Variants in RBMS3 observed in about 807,000 individuals in gnomAD.
RBMS3 encodes the protein RNA binding motif single stranded interacting protein 3.
In RBMS3, 27 loss-of-function variants were observed where a neutral mutation model predicts 66.8. The observed-to-expected ratio is 0.40, with a 90% CI of 0.30 to 0.56. RBMS3 has a LOEUF of 0.56. Ranked by LOEUF, RBMS3 falls within the 20% of genes least tolerant of loss-of-function variation. RBMS3 has a pLI of 0.40. For synonymous variants in RBMS3, 188 were observed against 183.0 expected, an observed-to-expected ratio of 1.03 and a Z score of -0.22; for missense variants, 513 against 549.5, an observed-to-expected ratio of 0.93 and a Z score of 0.66.
chr3:29,331,143 C>G (rs1040117289), intron 1 of RBMS3, among the ~76,000 whole-genome samples: 3 of 152,122 alleles, frequency 2.0e-5, no homozygotes, highest in African/African-American at 7.2e-5. Context: ...CCATTTTCAA[C>G]CAGTCTGTGC....
At chr3:29,619,567 G>GCT (rs1413662762) in intron 4 of RBMS3, among the ~76,000 whole-genome samples, 1 of 152,172 alleles carries the variant, frequency 6.6e-6, no homozygotes, top group African/African-American at 2.4e-5. Context: ...GAAGCAATAT[G>GCT]CTCTCTGCTG....
At chr3:29,588,820 C>T (rs373436902) in intron 4 of RBMS3, among the ~76,000 whole-genome samples, 8 of 151,892 alleles carry the variant, frequency 5.3e-5, no homozygotes, top group African/African-American at 1.9e-4. Flanking sequence ...ACTTCCTATA[C>T]CCACAAAACA....
intron 12 of RBMS3, among the ~76,000 whole-genome samples, chr3:29,974,697 C>A (rs1697442114): frequency 6.6e-6 from 1 of 150,774 alleles, no homozygotes; most frequent in African/African-American, 2.4e-5. Flanking sequence ...CAGTGTAAAA[C>A]CTTTTATGTC....
chr3:29,788,630 C>T (rs570430697), intron 6 of RBMS3, among the ~76,000 whole-genome samples: 16 of 152,236 alleles, frequency 1.1e-4, no homozygotes, highest in Admixed American at 9.8e-4. Flanking sequence ...AATGTTCAAA[C>T]GTTTCCTTAC....
At chr3:29,997,908 G>T (rs1480459235) in intron 14 of RBMS3, among the ~76,000 whole-genome samples, 1 of 152,196 alleles carries the variant, frequency 6.6e-6, no homozygotes, top group South Asian at 2.1e-4. Context: ...TGTGTTGGAA[G>T]TTCTGGCCAG....
intron 1 of RBMS3, among the ~76,000 whole-genome samples, chr3:29,368,625 G>C (rs1256742356): frequency 6.6e-6 from 1 of 151,610 alleles, no homozygotes; most frequent in African/African-American, 2.4e-5. Flanking sequence ...GATTTTTTTA[G>C]ATTTTTTGAG....
chr3:29,382,012 T>C (rs2038784434), intron 1 of RBMS3, among the ~76,000 whole-genome samples: 1 of 152,196 alleles, frequency 6.6e-6, no homozygotes, highest in Admixed American at 6.5e-5. Flanking sequence ...AGGAAACTTC[T>C]GATGAAAAAT....
intron 9 of RBMS3, among the ~76,000 whole-genome samples, chr3:29,898,731 A>ATGTGTGTGTGTG (rs1265286069): frequency 2.7e-4 from 30 of 112,302 alleles, no homozygotes; most frequent in African/African-American, 1.3e-3. Flanking sequence ...CCTGGTTGTA[A>ATGTGTGTGTGTG]TGTGCGTGTG....
chr3:29,585,020 T>C (rs1420342827), intron 3 of RBMS3, among the ~76,000 whole-genome samples: 1 of 152,200 alleles, frequency 6.6e-6, no homozygotes, highest in African/African-American at 2.4e-5. Context: ...TTTGTAATTA[T>C]ATATTCATTT....
At chr3:29,737,266 C>A (rs966267204) in intron 4 of RBMS3, among the ~76,000 whole-genome samples, 1 of 152,298 alleles carries the variant, frequency 6.6e-6, no homozygotes, top group Admixed American at 6.5e-5. Context: ...TGAGCCACTG[C>A]GCCCGGCCTA....
At chr3:29,805,137 G>A (rs111781864) in intron 6 of RBMS3, among the ~76,000 whole-genome samples, 1 of 151,928 alleles carries the variant, frequency 6.6e-6, no homozygotes, top group African/African-American at 2.4e-5. Context: ...TGTATATGAT[G>A]GCGGTCTCAT....
intron 10 of RBMS3, among the ~76,000 whole-genome samples, chr3:29,929,219 C>T (rs1230307500): frequency 1.3e-5 from 2 of 152,158 alleles, no homozygotes; most frequent in Non-Finnish European, 2.9e-5. Context: ...AAATTTTCAA[C>T]TCTCCCTCAA....
chr3:29,591,791 T>C (rs1316481447), intron 4 of RBMS3, among the ~76,000 whole-genome samples: 1 of 152,182 alleles, frequency 6.6e-6, no homozygotes, highest in Non-Finnish European at 1.5e-5. Flanking sequence ...GTATATCTTA[T>C]TCTAGAGGAA....
chr3:29,352,851 C>T (rs1234687758), intron 1 of RBMS3, among the ~76,000 whole-genome samples: 1 of 151,822 alleles, frequency 6.6e-6, no homozygotes, highest in African/African-American at 2.4e-5. Context: ...ATTTGTCTTT[C>T]TCTGCCAGGC....
chr3:29,428,231 G>T (rs1461086642), intron 1 of RBMS3, among the ~76,000 whole-genome samples: 1 of 151,956 alleles, frequency 6.6e-6, no homozygotes, highest in East Asian at 1.9e-4. Context: ...CCCTACAGGG[G>T]GACATTTGGC....
intron 10 of RBMS3, among the ~76,000 whole-genome samples, chr3:29,927,671 G>T (rs2060977095): frequency 6.6e-6 from 1 of 152,168 alleles, no homozygotes; most frequent in South Asian, 2.1e-4. Flanking sequence ...AGGGTAAGAG[G>T]TAAGACGGAC....
At chr3:29,379,151 G>A (rs941061073) in intron 1 of RBMS3, among the ~76,000 whole-genome samples, 2 of 152,224 alleles carry the variant, frequency 1.3e-5, no homozygotes, top group Middle Eastern at 3.4e-3. Context: ...AGGGACATAG[G>A]CCCTCACATA....
rs552984936 is a variant in RBMS3 at position 29,412,517 on chromosome 3, T to C, written c.76-22226T>C. ...TATACTTATCTAATAAAACTAATAA[T>C]ATAATTGGGGGTTAGGTTGATGAAT... On this transcript the variant is annotated intron_variant, in intron 1 of 14. Coordinates refer to ENST00000383767, the MANE Select transcript of RBMS3 (RefSeq NM_001003793.3). 1.1e-4 allele frequency among the ~76,000 whole-genome samples: 16 copies of C among 152,264 alleles called. No homozygotes were observed. In the East Asian group the frequency reaches 3.1e-3, roughly 29 times the overall value.
At chr3:29,732,048 C>T (rs574925027) in intron 4 of RBMS3, among the ~76,000 whole-genome samples, 1 of 152,076 alleles carries the variant, frequency 6.6e-6, no homozygotes, top group South Asian at 2.1e-4. Flanking sequence ...TCCCTCTCTG[C>T]CTTCCTTCCT....
Sources: gnomAD v4.1 joint callset for allele counts (sites outside exome capture counted in the v4.1 genomes callset) on GRCh38, gnomAD v4.1.1 for gene constraint, MANE v1.5 for transcripts, NCBI Gene and HGNC (gene_info 2026-07-23, HGNC 2026-07-21) for gene names.